Variants in CADM2 observed in about 807,000 individuals in gnomAD.
CADM2 encodes immunoglobulin superfamily member 4D.
CADM2 carries 12 observed loss-of-function variants against 49.8 expected under a neutral mutation model. The observed-to-expected ratio is 0.24, with a 90% confidence interval of 0.15 to 0.39. CADM2 has a LOEUF of 0.39. Among genes scored for constraint, CADM2 ranks in the 10% least tolerant of loss-of-function variants. The probability of loss-of-function intolerance (pLI) is 1.00; values close to 1 mark genes in which losing one functional copy is unlikely to be tolerated. For synonymous variants in CADM2, 214 were observed against 175.4 expected (o/e 1.22, Z -1.74); for missense variants, 378 against 492.3 (o/e 0.77, Z 2.20).
At chr3:85,203,215 G>A (rs776594238) in intron 1 of CADM2, among the ~76,000 whole-genome samples, 2 of 152,100 alleles carry the variant, frequency 1.3e-5, no homozygotes, top group African/African-American at 4.8e-5. Flanking sequence ...AGCCTAACTC[G>A]GCTTTTGACA....
At chr3:84,968,318 G>A (rs2031166664) in intron 1 of CADM2, among the ~76,000 whole-genome samples, 1 of 151,788 alleles carries the variant, frequency 6.6e-6, no homozygotes, top group East Asian at 1.9e-4. Flanking sequence ...TTAGTTCTAC[G>A]AGGTTCCCCT....
chr3:85,810,281 C>A (rs902879044), intron 3 of CADM2, among the ~76,000 whole-genome samples: 10 of 152,022 alleles, frequency 6.6e-5, no homozygotes, highest in African/African-American at 2.2e-4. Context: ...CAGATGAAAA[C>A]CATAGGTCAA....
At chr3:85,714,417 CTGTTTTTTGTTTGTTTGTT>C (rs1177661282) in intron 1 of CADM2, among the ~76,000 whole-genome samples, 2 of 151,878 alleles carry the variant, frequency 1.3e-5, no homozygotes, top group African/African-American at 2.4e-5. Context: ...ATTTTGTTTT[CTGTTTTTTGTTTGTTTGTT>C]TGTTTTTTGA....
intron 1 of CADM2, among the ~76,000 whole-genome samples, chr3:85,532,073 A>G (rs1437577403): frequency 3.9e-5 from 6 of 152,182 alleles, no homozygotes; most frequent in African/African-American, 1.4e-4. Context: ...GCGACTCTGG[A>G]GGCTGAGGCA....
chr3:85,157,308 A>G (rs933054870), intron 1 of CADM2, among the ~76,000 whole-genome samples: 29 of 151,146 alleles, frequency 1.9e-4, no homozygotes, highest in Admixed American at 1.3e-3. Flanking sequence ...CAAGCTACCA[A>G]TGCCTTTCTT....
At chr3:85,069,188 A>G (rs183313968) in intron 1 of CADM2, among the ~76,000 whole-genome samples, 3 of 151,334 alleles carry the variant, frequency 2.0e-5, no homozygotes, top group East Asian at 3.9e-4. Flanking sequence ...GGAAGAGAGA[A>G]AAAAAAAAGA....
chr3:85,680,978 C>T (rs1187551923), intron 1 of CADM2, among the ~76,000 whole-genome samples: 1 of 152,106 alleles, frequency 6.6e-6, no homozygotes, highest in African/African-American at 2.4e-5. Context: ...ATTCATGGTC[C>T]TTCATTGGCA....
chr3:85,321,466 T>A (rs1040887081), intron 1 of CADM2, among the ~76,000 whole-genome samples: 6 of 151,976 alleles, frequency 3.9e-5, no homozygotes, highest in African/African-American at 1.4e-4. Flanking sequence ...ATTACAAACA[T>A]GAGCCACTGC....
chr3:85,263,682 C>T (rs1381252381), intron 1 of CADM2, among the ~76,000 whole-genome samples: 1 of 151,738 alleles, frequency 6.6e-6, no homozygotes, highest in Non-Finnish European at 1.5e-5. Flanking sequence ...AGAATCTATT[C>T]CAATTTTTTT....
At chr3:85,143,644 A>C (rs750866993) in intron 1 of CADM2, among the ~76,000 whole-genome samples, 5 of 152,188 alleles carry the variant, frequency 3.3e-5, no homozygotes, top group Non-Finnish European at 7.3e-5. Context: ...TATCCAAAGT[A>C]TCATTTCTAT....
intron 7 of CADM2, among the ~76,000 whole-genome samples, chr3:85,953,612 T>A (rs981675355): frequency 1.3e-5 from 2 of 150,988 alleles, no homozygotes; most frequent in Admixed American, 1.3e-4. Context: ...ATAACTCATT[T>A]ATGCCACTTA....
chr3:86,065,842 G>T, intron 9 of CADM2, 112 bp downstream of exon 9: 2 of 994,038 alleles, frequency 2.0e-6, no homozygotes, highest in South Asian at 2.5e-5. Context: ...AGAATAGGGA[G>T]ATAGAGAGAA....
chr3:85,444,164 A>G (rs577850358), intron 1 of CADM2, among the ~76,000 whole-genome samples: 1 of 152,212 alleles, frequency 6.6e-6, no homozygotes, highest in Non-Finnish European at 1.5e-5. Context: ...TTGTACTCTG[A>G]CATAAGCTGC....
intron 1 of CADM2, among the ~76,000 whole-genome samples, chr3:85,480,294 C>A (rs1426183604): frequency 1.3e-5 from 2 of 151,756 alleles, no homozygotes; most frequent in Non-Finnish European, 2.9e-5. Context: ...GTTTTATCAA[C>A]CATATTGTTT....
At chr3:85,880,766 T>C (rs1170931642) in intron 3 of CADM2, among the ~76,000 whole-genome samples, 1 of 152,208 alleles carries the variant, frequency 6.6e-6, no homozygotes, top group Non-Finnish European at 1.5e-5. Context: ...TTCACTCTCC[T>C]ATGAGAAATG....
At chr3:85,129,836 C>T (rs1007071351) in intron 1 of CADM2, among the ~76,000 whole-genome samples, 1 of 152,076 alleles carries the variant, frequency 6.6e-6, no homozygotes, top group East Asian at 1.9e-4. Context: ...ACATATAAAC[C>T]CATGTTTGTA....
In CADM2 at chr3:86,013,837, CT is replaced by C. The variant is rs1731855023; in HGVS notation, c.971-51767del. 17 of 1,590,720 alleles carry C rather than the reference CT, an allele frequency of 1.1e-5. No homozygotes were observed. The South Asian group carries it at 1.9e-4, about 18-fold the overall frequency. On this transcript the variant is annotated intron_variant, in intron 8 of 9. Transcript: ENST00000383699. ...TGTCGTGGTCAGGCTTACATTGTGT[CT>C]AGTGGATTTTCTTCCAAAATGAAAG...
chr3:85,586,876 A>G (rs2062960130), intron 1 of CADM2, among the ~76,000 whole-genome samples: 1 of 152,178 alleles, frequency 6.6e-6, no homozygotes, highest in African/African-American at 2.4e-5. Flanking sequence ...AGTAGGCCTA[A>G]TGTTTTTCCA....
At chr3:85,610,366 T>C (rs1443879644) in intron 1 of CADM2, among the ~76,000 whole-genome samples, 1 of 151,978 alleles carries the variant, frequency 6.6e-6, no homozygotes, top group African/African-American at 2.4e-5. Context: ...AAATTATTCT[T>C]TTAAACAATT....
Sources: allele counts gnomAD v4.1 joint callset (sites outside exome capture counted in the v4.1 genomes callset), GRCh38; gene constraint gnomAD v4.1.1; transcripts MANE v1.5; gene names NCBI Gene and HGNC (gene_info 2026-07-23, HGNC 2026-07-21).